ARHGAP17: variants seen among roughly 807,000 people sequenced by gnomAD.
The protein encoded by ARHGAP17 is rho GTPase-activating protein 17.
In ARHGAP17, 57 loss-of-function variants were observed where a neutral mutation model predicts 99.5. The ratio of observed to expected loss-of-function variants is 0.57; its 90% CI spans 0.46 to 0.71. The LOEUF is 0.71. Among genes scored for constraint, ARHGAP17 ranks in the 30% least tolerant of loss-of-function variants. The probability of loss-of-function intolerance (pLI) is 0.00; values close to 1 mark genes in which losing one functional copy is unlikely to be tolerated. For synonymous variants in ARHGAP17, 417 were observed against 429.6 expected (o/e 0.97, Z 0.36); for missense variants, 1,000 against 1,122.4 (o/e 0.89, Z 1.56).
chr16:24,939,489 G>A lies in ARHGAP17; in HGVS notation c.1599C>T (p.Ser533=), dbSNP rs769155474. The A allele has an allele frequency of 6.2e-6, 10 of 1,611,688 alleles. No homozygotes were observed. Among genetic ancestry groups the A allele is most frequent in the Non-Finnish European group, 8.5e-6 (10 of 1,179,328 alleles). The change falls in exon 17 of 20, where the codon AGC becomes AGT. Residue 533 remains serine (S), a synonymous_variant. Coordinates refer to ENST00000289968, the MANE Select transcript of ARHGAP17 (RefSeq NM_001006634.3). ...FQPPLPPTDG[S]TVVPAGPEPP... ...GCTCTGGGCCAGCGGGCACCACGGT[G>A]CTGCCATCTGTGGGCGGAAGTGGCG...
At chr16:24,967,818 C>T (rs1241779088) in intron 6 of ARHGAP17, among the ~76,000 whole-genome samples, 2 of 151,306 alleles carry the variant, frequency 1.3e-5, no homozygotes, top group East Asian at 3.9e-4. Context: ...GAAAAAAAAG[C>T]CAAAAAACTC....
At chr16:24,991,701 A>G (rs1356967518) in intron 1 of ARHGAP17, among the ~76,000 whole-genome samples, 2 of 152,210 alleles carry the variant, frequency 1.3e-5, no homozygotes, top group Non-Finnish European at 2.9e-5. Context: ...AAGCTATAGA[A>G]ACACCTGCAC....
chr16:24,953,914 G>A (rs768389405), intron 10 of ARHGAP17, among the ~76,000 whole-genome samples: 2 of 152,158 alleles, frequency 1.3e-5, no homozygotes, highest in African/African-American at 4.8e-5. Flanking sequence ...GAGGGCTTCC[G>A]GGATGTTCTT....
Position 24,990,334 on chromosome 16 carries a change from A to C in ARHGAP17, c.54-11329T>G, listed in dbSNP as rs112333138. 3.5e-3 allele frequency among the ~76,000 whole-genome samples: 525 copies of C among 152,128 alleles called. 2 individuals are homozygous for C. The highest frequency in any genetic ancestry group is 9.9e-3 in the Admixed American group (151 of 15,278). ...ACCTCCATCTATACAAAAAATAAAA[A>C]ACTTAGCCAGGCATGGTGGTGCACA... is the stretch of plus-strand genomic sequence containing the variant. On this transcript the variant is annotated intron_variant, in intron 1 of 19. Coordinates refer to ENST00000289968, the MANE Select transcript of ARHGAP17 (RefSeq NM_001006634.3).
At position 24,931,420 on chromosome 16, in the gene ARHGAP17, A is replaced by G. The variant is rs1013274984; in HGVS notation, c.1895-16T>C. On this transcript the variant is annotated splice_polypyrimidine_tract_variant and intron_variant, in intron 18 of 19. Transcript: ENST00000289968. ...TTTTTAACAGCTGCACAAAAAGAGA[A>G]AAAACACCTTTCAGTAGGAACAGTG... 9.3e-6 allele frequency: 14 copies of G among 1,499,328 alleles called. No individual in the cohort carries two copies. The highest frequency in any genetic ancestry group is 1.2e-5 in the Non-Finnish European group (13 of 1,127,232). 92.9% of individuals were successfully genotyped at this position (1,499,328 alleles called of 1,614,324 possible).
At position 24,990,040 on chromosome 16, in the gene ARHGAP17, G is replaced by A. The variant is rs79896036; in HGVS notation, c.54-11035C>T. Among the ~76,000 whole-genome samples the A allele has an allele frequency of 1.7e-3, 255 of 152,306 alleles. 1 individual carries two copies. The highest frequency in any genetic ancestry group is 5.9e-3 in the African/African-American group (244 of 41,552). ...GAATGTTCACAATACAGGCACAAACGTTCAAGGTGATGGATACGATAATTA... is the reference window on the plus strand; with the variant it reads ...GAATGTTCACAATACAGGCACAAACATTCAAGGTGATGGATACGATAATTA... On this transcript the variant is annotated intron_variant, in intron 1 of 19. Coordinates refer to ENST00000289968, the MANE Select transcript of ARHGAP17 (RefSeq NM_001006634.3).
At position 24,922,126 on chromosome 16, in the gene ARHGAP17, C is replaced by T. The variant is rs926194690; in HGVS notation, c.2516-1866G>A. On this transcript the variant is annotated intron_variant, in intron 19 of 19. Coordinates refer to ENST00000289968, the MANE Select transcript of ARHGAP17 (RefSeq NM_001006634.3). The stretch of plus-strand genomic sequence containing the variant: ...CAAAGAAGTAGCTGTGACTTGAAGA[C>T]GACGTATAAGAAAATCACTGCAAAT... 5.3e-5 allele frequency among the ~76,000 whole-genome samples: 8 copies of T among 152,304 alleles called. No individual in the cohort carries two copies. In the South Asian group the frequency reaches 6.2e-4, roughly 12 times the overall value.
At chr16:24,974,700 T>C (rs576966053) in intron 3 of ARHGAP17, among the ~76,000 whole-genome samples, 156 of 152,168 alleles carry the variant, frequency 1.0e-3, no homozygotes, top group African/African-American at 3.5e-3. Flanking sequence ...GAAATGTAGC[T>C]CAGGAGGTGA....
intron 1 of ARHGAP17, among the ~76,000 whole-genome samples, chr16:24,986,638 G>A (rs1013045375): frequency 3.9e-5 from 6 of 152,174 alleles, no homozygotes; most frequent in African/African-American, 9.7e-5. Flanking sequence ...GAGTTGTTGC[G>A]AAAGACATCA....
chr16:24,949,840 A>C (rs1429795831), intron 12 of ARHGAP17, among the ~76,000 whole-genome samples: 2 of 152,128 alleles, frequency 1.3e-5, no homozygotes, highest in African/African-American at 4.8e-5. Flanking sequence ...ACAGAACCCA[A>C]ATTCTCCTAC....
In ARHGAP17 at chr16:24,964,179, A is replaced by T; in HGVS notation, c.573+18T>A. 1 of 1,497,122 alleles carries T rather than the reference A, an allele frequency of 6.7e-7. No individual in the cohort carries two copies. The highest frequency in any genetic ancestry group is 9.0e-7 in the Non-Finnish European group (1 of 1,108,802). 92.7% of individuals were successfully genotyped at this position (1,497,122 alleles called of 1,614,324 possible). Reference sequence around the variant, plus strand: ...TTGCAAAAACCGAAAAGATACATTTATCAAGGAATTCTCATACCTTGCACT... The same window carrying T: ...TTGCAAAAACCGAAAAGATACATTTTTCAAGGAATTCTCATACCTTGCACT... On this transcript the variant is annotated intron_variant, in intron 7 of 19. Coordinates refer to ENST00000289968, the MANE Select transcript of ARHGAP17 (RefSeq NM_001006634.3).
At chr16:24,939,223 G>T in intron 17 of ARHGAP17, 141 bp downstream of exon 17, 1 of 722,766 alleles carries the variant, frequency 1.4e-6, no homozygotes, top group Non-Finnish European at 2.1e-6. Context: ...TCCATCTTTT[G>T]CCAACCAGAG....
chr16:24,932,097 T>G (rs1597365280), intron 18 of ARHGAP17, among the ~76,000 whole-genome samples: 3 of 133,332 alleles, frequency 2.3e-5, no homozygotes, highest in African/African-American at 5.9e-5. Flanking sequence ...GGCAACAGAG[T>G]GAGACCATTT....
At chr16:24,966,384 G>A (rs1472929719) in intron 6 of ARHGAP17, among the ~76,000 whole-genome samples, 1 of 152,134 alleles carries the variant, frequency 6.6e-6, no homozygotes, top group Non-Finnish European at 1.5e-5. Flanking sequence ...TGTAATCCTA[G>A]CACTTTGGGA....
At chr16:25,007,782 T>C (rs1380437777) in intron 1 of ARHGAP17, among the ~76,000 whole-genome samples, 1 of 152,186 alleles carries the variant, frequency 6.6e-6, no homozygotes, top group South Asian at 2.1e-4. Flanking sequence ...GTTTTTTTCT[T>C]TTTAGTTGCC....
Position 24,919,994 on chromosome 16 carries a change from C to T in ARHGAP17, c.*136G>A, listed in dbSNP as rs2152434679. ...GTTCTCCTTGGGCCGTGCAGAAGGC[C>T]AGGTCCCGCACAGTGAGGCCCTCCT... On this transcript the variant is annotated 3_prime_UTR_variant, in exon 20 of 20. Coordinates refer to ENST00000289968, the MANE Select transcript of ARHGAP17 (RefSeq NM_001006634.3). 2.3e-6 allele frequency: 3 copies of T among 1,296,238 alleles called. No individual in the cohort carries two copies. 80.3% of individuals were successfully genotyped at this position (1,296,238 alleles called of 1,614,324 possible). A position where few individuals can be genotyped will look rare whatever the true frequency, so the allele number is the denominator to read the frequency against.
At chr16:24,945,833 G>A (rs919141762) in intron 14 of ARHGAP17, among the ~76,000 whole-genome samples, 1 of 152,062 alleles carries the variant, frequency 6.6e-6, no homozygotes, top group Non-Finnish European at 1.5e-5. Flanking sequence ...AGCTAATAAG[G>A]GTTAATAAGG....
At chr16:24,927,616 G>T in intron 19 of ARHGAP17, 1 of 825,578 alleles carries the variant, frequency 1.2e-6, no homozygotes, top group Non-Finnish European at 1.6e-6. Context: ...TTAGTAACAG[G>T]CATGAGTGCA....
In ARHGAP17 at chr16:24,923,472, A is replaced by G. The variant is rs975444352; in HGVS notation, c.2516-3212T>C. Among the ~76,000 whole-genome samples, 14 of 152,162 alleles carry G rather than the reference A, an allele frequency of 9.2e-5. 1 individual carries two copies. Among genetic ancestry groups the G allele is most frequent in the African/African-American group, 2.4e-5 (1 of 41,436 alleles). ...TCATACAAAAGATATTGTATTTAAA[A>G]AAACAAAATAGGCTGGGCGTGGTGG... On this transcript the variant is annotated intron_variant, in intron 19 of 19. Transcript: ENST00000289968.
Sources: allele counts gnomAD v4.1 joint callset (sites outside exome capture counted in the v4.1 genomes callset), GRCh38; gene constraint gnomAD v4.1.1; transcripts MANE v1.5; gene names NCBI Gene and HGNC (gene_info 2026-07-23, HGNC 2026-07-21).